Variants in EPHA6 observed in about 807,000 individuals in gnomAD.
EPHA6 encodes ephrin type-A receptor 6.
A neutral mutation model predicts 112.0 loss-of-function variants in EPHA6; 50 were observed. That is an observed-to-expected ratio of 0.45 (90% confidence interval 0.36 to 0.56). EPHA6 has a LOEUF of 0.56. EPHA6 is among the 20% of genes least tolerant of loss of function. EPHA6 has a pLI of 0.00. For missense variants in EPHA6, 1,280 were observed against 1,417.4 expected (o/e 0.90, Z 1.56); for synonymous variants, 529 against 490.7 (o/e 1.08, Z -1.03).
chr3:97,073,260 A>G (rs1393696762), intron 3 of EPHA6, among the ~76,000 whole-genome samples: 3 of 152,032 alleles, frequency 2.0e-5, no homozygotes, highest in Non-Finnish European at 4.4e-5. Flanking sequence ...CTTTCATCAA[A>G]CCCATTCCTT....
At chr3:97,251,342 A>T (rs1576772028) in intron 5 of EPHA6, among the ~76,000 whole-genome samples, 1 of 152,010 alleles carries the variant, frequency 6.6e-6, no homozygotes, top group Middle Eastern at 3.4e-3. Context: ...CGTCCTGGCT[A>T]ACACAGTGAA....
intron 5 of EPHA6, among the ~76,000 whole-genome samples, chr3:97,314,122 A>G (rs1232795336): frequency 6.6e-6 from 1 of 151,582 alleles, no homozygotes; most frequent in Non-Finnish European, 1.5e-5. Flanking sequence ...AACACCATTT[A>G]TTGAAGAGAC....
At chr3:97,122,298 T>C (rs1379285356) in intron 3 of EPHA6, among the ~76,000 whole-genome samples, 2 of 152,034 alleles carry the variant, frequency 1.3e-5, no homozygotes, top group Non-Finnish European at 2.9e-5. Flanking sequence ...AGCTTGAATT[T>C]TGCATGTCTC....
intron 3 of EPHA6, among the ~76,000 whole-genome samples, chr3:97,038,105 CAG>C: frequency 6.6e-6 from 1 of 152,080 alleles, no homozygotes; most frequent in South Asian, 2.1e-4. Flanking sequence ...AATATCAACT[CAG>C]AGTAATTGGG....
chr3:97,740,423 C>A (rs1467811011), intron 16 of EPHA6, among the ~76,000 whole-genome samples: 2 of 152,138 alleles, frequency 1.3e-5, no homozygotes, highest in East Asian at 3.9e-4. Context: ...CAGCAGTTGT[C>A]CAGATGTTGG....
chr3:97,324,445 C>CTTTCTTTCTTTT (rs2082297214), intron 5 of EPHA6, among the ~76,000 whole-genome samples: 1 of 146,976 alleles, frequency 6.8e-6, no homozygotes, highest in Non-Finnish European at 1.5e-5. Context: ...TTCTTTCTTT[C>CTTTCTTTCTTTT]TTTCTTTCTT....
At chr3:97,438,548 AT>A (rs1340686730) in intron 6 of EPHA6, among the ~76,000 whole-genome samples, 3 of 152,284 alleles carry the variant, frequency 2.0e-5, no homozygotes, top group East Asian at 3.9e-4. Context: ...CAATTAATTC[AT>A]TTTTTAATTC....
intron 3 of EPHA6, among the ~76,000 whole-genome samples, chr3:97,009,291 T>C (rs1342476915): frequency 6.6e-6 from 1 of 152,130 alleles, no homozygotes; most frequent in Non-Finnish European, 1.5e-5. Context: ...CCAAATTCTG[T>C]CCCTGATCCT....
At chr3:97,324,443 T>TTCTC (rs1553746350) in intron 5 of EPHA6, among the ~76,000 whole-genome samples, 58 of 148,406 alleles carry the variant, frequency 3.9e-4, no homozygotes, top group African/African-American at 1.4e-3. Flanking sequence ...CTTTCTTTCT[T>TTCTC]TCTTTCTTTC....
chr3:97,358,502 T>TA (rs1301012542), intron 5 of EPHA6, among the ~76,000 whole-genome samples: 1 of 152,198 alleles, frequency 6.6e-6, no homozygotes, highest in Non-Finnish European at 1.5e-5. Context: ...AAACCAAACT[T>TA]ACAATTGTAC....
chr3:97,759,354 C>T lies in EPHA6; in HGVS notation c.*10653C>T, dbSNP rs2036101325. On this transcript the variant is annotated 3_prime_UTR_variant, in exon 18 of 18. Coordinates refer to ENST00000389672, the MANE Select transcript of EPHA6 (RefSeq NM_001080448.3). ...GAGATGTAAAGGAAGGAGGTGAAAT[C>T]ACTATCTATAAACAACTCTCTCAAA... Among the ~76,000 whole-genome samples the T allele has an allele frequency of 6.6e-6, 1 of 151,892 alleles. No homozygotes were observed. Among genetic ancestry groups the T allele is most frequent in the Admixed American group, 6.6e-5 (1 of 15,230 alleles).
At chr3:97,276,004 ATGT>A (rs1411998781) in intron 5 of EPHA6, among the ~76,000 whole-genome samples, 2 of 152,102 alleles carry the variant, frequency 1.3e-5, no homozygotes, top group Non-Finnish European at 2.9e-5. Flanking sequence ...GCATAAAATA[ATGT>A]TGTCCAAGTT....
intron 3 of EPHA6, among the ~76,000 whole-genome samples, chr3:97,008,627 A>G (rs564026417): frequency 2.6e-5 from 4 of 152,108 alleles, no homozygotes; most frequent in Admixed American, 1.3e-4. Flanking sequence ...TATCCATCTT[A>G]TCCTCCATCT....
chr3:97,179,161 A>T (rs9854507), intron 3 of EPHA6, among the ~76,000 whole-genome samples: 29,489 of 151,854 alleles, frequency 0.19, 3,030 homozygotes, highest in Non-Finnish European at 0.22. Flanking sequence ...CTATTAAAGG[A>T]CTCAAACACA....
At chr3:96,991,598 A>G (rs1246315666) in intron 3 of EPHA6, among the ~76,000 whole-genome samples, 6 of 152,204 alleles carry the variant, frequency 3.9e-5, no homozygotes, top group Admixed American at 6.5e-5. Flanking sequence ...GACTGCCACC[A>G]TGACAATACA....
At chr3:97,384,803 G>A (rs907267144) in intron 5 of EPHA6, among the ~76,000 whole-genome samples, 3 of 151,864 alleles carry the variant, frequency 2.0e-5, no homozygotes, top group African/African-American at 7.3e-5. Context: ...CCCAAACATA[G>A]TTGACTATAG....
At chr3:96,950,328 A>G (rs1212567316) in intron 2 of EPHA6, among the ~76,000 whole-genome samples, 2 of 152,024 alleles carry the variant, frequency 1.3e-5, no homozygotes, top group Non-Finnish European at 2.9e-5. Flanking sequence ...GCCCTCACCT[A>G]TAAAGTGTAG....
chr3:96,973,820 A>G (rs922246647), intron 2 of EPHA6, among the ~76,000 whole-genome samples: 4 of 143,410 alleles, frequency 2.8e-5, no homozygotes, highest in African/African-American at 1.0e-4. Context: ...GCGAGACTCC[A>G]TATCAAAAAA....
chr3:97,209,178 T>A (rs1040522951), intron 3 of EPHA6, among the ~76,000 whole-genome samples: 1 of 152,250 alleles, frequency 6.6e-6, no homozygotes, highest in South Asian at 2.1e-4. Context: ...TGAGAAGAGA[T>A]GCTTCTTTAT....
Sources: allele counts gnomAD v4.1 joint callset (sites outside exome capture counted in the v4.1 genomes callset), GRCh38; gene constraint gnomAD v4.1.1; transcripts MANE v1.5; gene names NCBI Gene and HGNC (gene_info 2026-07-23, HGNC 2026-07-21).